The following SEMA6C variants were observed in gnomAD, a reference collection of about 807,000 sequenced individuals.
SEMA6C encodes semaphorin-6C.
Under a neutral mutation model 72.9 loss-of-function variants are expected in SEMA6C, and 37 were observed. The observed-to-expected ratio is 0.51, with a 90% CI of 0.39 to 0.67. The LOEUF is 0.67. Among genes scored for constraint, SEMA6C ranks in the 30% least tolerant of loss-of-function variants. SEMA6C has a pLI of 0.00. For missense variants in SEMA6C, 1,189 were observed against 1,263.6 expected, an observed-to-expected ratio of 0.94 and a Z score of 0.89; for synonymous variants, 578 against 554.1, an observed-to-expected ratio of 1.04 and a Z score of -0.61.
chr1:151,139,911 T>G (rs1001004104), intron 4 of SEMA6C, 65 bp downstream of exon 4: 12 of 1,480,354 alleles, frequency 8.1e-6, no homozygotes, highest in Non-Finnish European at 1.0e-5. Context: ...ACAGTGGCCA[T>G]ACAGGTCCCA....
chr1:151,139,713 G>GGTA lies in SEMA6C; in HGVS notation c.234-15_234-13dup, dbSNP rs1360705079. The GGTA allele has an allele frequency of 6.3e-7, 1 of 1,591,192 alleles. No individual in the cohort carries two copies. Among genetic ancestry groups the GGTA allele is most frequent in the Admixed American group, 1.7e-5 (1 of 58,380 alleles). On this transcript the variant is annotated splice_polypyrimidine_tract_variant and intron_variant, in intron 4 of 18. Coordinates refer to ENST00000368914, the MANE Select transcript of SEMA6C (RefSeq NM_030913.6). ...AGAAAACGTGATCCCTGAGGGGGTA[G>GGTA]GTAAGGAGGGGTCAGAGCCTAGTCA...
Position 151,132,463 on chromosome 1 carries a change from G to A in SEMA6C, c.*21C>T. The A allele has an allele frequency of 6.5e-7, 1 of 1,541,350 alleles. No homozygotes were observed. The highest frequency in any genetic ancestry group is 8.8e-7 in the Non-Finnish European group (1 of 1,141,670). ...AGAGGACTCGGGCGCTCCCCACGCTGGAGGCCGTGGGCCGCTCCCTTTAAA... is the reference window on the plus strand; with the variant it reads ...AGAGGACTCGGGCGCTCCCCACGCTAGAGGCCGTGGGCCGCTCCCTTTAAA... On this transcript the variant is annotated 3_prime_UTR_variant, in exon 19 of 19. Coordinates refer to ENST00000368914, the MANE Select transcript of SEMA6C (RefSeq NM_030913.6).
chr1:151,141,912 T>C (rs1448955293), intron 3 of SEMA6C, among the ~76,000 whole-genome samples: 1 of 151,804 alleles, frequency 6.6e-6, no homozygotes, highest in African/African-American at 2.4e-5. Flanking sequence ...AGAATACTAT[T>C]ATATTCATTT....
At chr1:151,135,002 C>T (rs1681900314) in intron 15 of SEMA6C, 127 bp from the exon 16 acceptor site, 1 of 1,332,200 alleles carries the variant, frequency 7.5e-7, no homozygotes, top group Admixed American at 1.8e-5. Context: ...ACCTCAGTCT[C>T]TCCACACCCT....
chr1:151,139,519 C>T (rs1330386378), intron 5 of SEMA6C, 38 bp from the exon 6 acceptor site: 5 of 1,606,112 alleles, frequency 3.1e-6, no homozygotes, highest in East Asian at 2.2e-5. Context: ...TCATGGGCAA[C>T]TGGGTTCCCT....
intron 7 of SEMA6C, 66 bp from the exon 8 acceptor site, chr1:151,138,472 C>A: frequency 6.6e-7 from 1 of 1,509,518 alleles, no homozygotes; most frequent in South Asian, 1.2e-5. Context: ...ATAGCCTATT[C>A]CCTCCTGTCC....
At chr1:151,142,076 C>T (rs1316543089) in intron 3 of SEMA6C, among the ~76,000 whole-genome samples, 2 of 145,330 alleles carry the variant, frequency 1.4e-5, no homozygotes, top group Non-Finnish European at 3.0e-5. Context: ...GAGTCTCGCT[C>T]TGTTGCCCAG....
chr1:151,135,146 C>T lies in SEMA6C; in HGVS notation c.1580+17G>A. On this transcript the variant is annotated intron_variant, in intron 15 of 18. Coordinates refer to ENST00000368914, the MANE Select transcript of SEMA6C (RefSeq NM_030913.6). ...GGGAGCTTGCCCACACAGGGCCTGG[C>T]CTCAGGCCCCTCTCACCTCTGACAG... 6.2e-7 allele frequency: 1 copy of T among 1,612,192 alleles called. No individual in the cohort carries two copies. Among genetic ancestry groups the T allele is most frequent in the Non-Finnish European group, 8.5e-7 (1 of 1,179,094 alleles).
rs930967125 is a variant in SEMA6C, at chr1:151,135,927, A to G, written c.1259+84T>C. 87 of 1,578,570 alleles carry G rather than the reference A, an allele frequency of 5.5e-5. 1 individual carries two copies. The highest frequency in any genetic ancestry group is 3.3e-4 in the Admixed American group (19 of 58,400). ...ACTTTCACAAGTTCTTCCTCCCACC[A>G]ATGCGGTTTACCTTGTTGGGTCAAA... is the stretch of plus-strand genomic sequence containing the variant. On this transcript the variant is annotated intron_variant, in intron 13 of 18. Coordinates refer to ENST00000368914, the MANE Select transcript of SEMA6C (RefSeq NM_030913.6).
Position 151,137,969 on chromosome 1 carries a change from C to T in SEMA6C, c.667+17G>A. ...TCCTCCCCAATAACAGTCTCCTTTC[C>T]CCAGGCCCGCCCTGACCTCGGAGCC... On this transcript the variant is annotated intron_variant, in intron 9 of 18. Transcript: ENST00000368914. 6.2e-7 allele frequency: 1 copy of T among 1,610,992 alleles called. No individual in the cohort carries two copies. The highest frequency in any genetic ancestry group is 1.7e-4 in the Middle Eastern group (1 of 6,042).
In SEMA6C at chr1:151,133,644, C is replaced by T; in HGVS notation, c.1760-127G>A. ...CTCCCGCTGCTACTCAGCCTCACTC[C>T]TACAGCCTCCACCATCCTCAGGATT... On this transcript the variant is annotated intron_variant, in intron 18 of 18. Coordinates refer to ENST00000368914, the MANE Select transcript of SEMA6C (RefSeq NM_030913.6). The surrounding 1 kb of genome is among the most constrained non-coding windows in gnomAD (Gnocchi z 5.9). The T allele has an allele frequency of 1.4e-6, 2 of 1,393,070 alleles. No homozygotes were observed. The highest frequency in any genetic ancestry group is 1.5e-5 in the African/African-American group (1 of 68,392). The allele number at this position is 1,393,070 out of a possible 1,614,324, so 86.3% of individuals were successfully genotyped here. A position where few individuals can be genotyped will look rare whatever the true frequency, so the allele number is the denominator to read the frequency against.
rs1397646460 is a variant in SEMA6C, at chr1:151,133,626, T to A, written c.1760-109A>T. Reference sequence around the variant, plus strand: ...GGCCTGACATCATCGTCCCTCCCGCTGCTACTCAGCCTCACTCCTACAGCC... The same window carrying A: ...GGCCTGACATCATCGTCCCTCCCGCAGCTACTCAGCCTCACTCCTACAGCC... On this transcript the variant is annotated intron_variant, in intron 18 of 18. Coordinates refer to ENST00000368914, the MANE Select transcript of SEMA6C (RefSeq NM_030913.6). This position sits in a 1 kb window ranked among gnomAD's most constrained non-coding sequence, Gnocchi z 5.9. 1 of 1,427,616 alleles carries A rather than the reference T, an allele frequency of 7.0e-7. No individual in the cohort carries two copies. Among genetic ancestry groups the A allele is most frequent in the Non-Finnish European group, 9.1e-7 (1 of 1,093,016 alleles). The allele number at this position is 1,427,616 out of a possible 1,614,324, so 88.4% of individuals were successfully genotyped here. A position where few individuals can be genotyped will look rare whatever the true frequency, so the allele number is the denominator to read the frequency against.
intron 15 of SEMA6C, 94 bp downstream of exon 15, chr1:151,135,067 CCT>C (rs1375538121): frequency 1.3e-6 from 2 of 1,537,236 alleles, no homozygotes; most frequent in Non-Finnish European, 1.8e-6. Context: ...ACAGCCATCC[CCT>C]GTGTTTTCCT....
At chr1:151,144,633 G>A (rs921279003) in intron 1 of SEMA6C, among the ~76,000 whole-genome samples, 199 bp from the exon 2 acceptor site, 1 of 152,174 alleles carries the variant, frequency 6.6e-6, no homozygotes, top group Non-Finnish European at 1.5e-5. Flanking sequence ...GCCCAGAGAT[G>A]CAGGGGAAGG....
chr1:151,136,576 G>A lies in SEMA6C; in HGVS notation c.978C>T (p.Ile326=). Residue 326 remains isoleucine (I), a synonymous_variant, in exon 12 of 19, where the codon ATC becomes ATT. Transcript: ENST00000368914. ...AGAAGGCGCAGACGGCAGAGCCAGGGATGCTGGAGGAGCCAGAAAAGATGC... is the reference window on the plus strand; with the variant it reads ...AGAAGGCGCAGACGGCAGAGCCAGGAATGCTGGAGGAGCCAGAAAAGATGC... ...FGVFTTQTNS[I]PGSAVCAFYL... 1 of 1,613,950 alleles carries A rather than the reference G, an allele frequency of 6.2e-7. No homozygotes were observed. Among genetic ancestry groups the A allele is most frequent in the Non-Finnish European group, 8.5e-7 (1 of 1,179,970 alleles).
chr1:151,132,780 CG>C lies in SEMA6C; in HGVS notation c.2496del (p.Ala833ProfsTer65). The C allele has an allele frequency of 7.2e-7, 1 of 1,384,786 alleles. No individual in the cohort carries two copies. Among genetic ancestry groups the C allele is most frequent in the South Asian group, 1.6e-5 (1 of 60,754 alleles). 85.8% of individuals were successfully genotyped at this position (1,384,786 alleles called of 1,614,324 possible). A position where few individuals can be genotyped will look rare whatever the true frequency, so the allele number is the denominator to read the frequency against. On this transcript the variant is annotated frameshift_variant, in exon 19 of 19. Transcript: ENST00000368914. LOFTEE classifies it low-confidence loss of function (END_TRUNC). ...GCGGGGGCGGAGAGCGCGGGCCGGGCGGGGGCAGAGGCGCACCTGCCCTCGG... is the reference window on the plus strand; with the variant it reads ...GCGGGGGCGGAGAGCGCGGGCCGGGCGGGGCAGAGGCGCACCTGCCCTCGG... ...VPPEGRCASAPARPALSAPAP... is the reference protein window; with the variant it reads ...VPPEGRCASAXARPALSAPAP...
intron 10 of SEMA6C, 67 bp from the exon 11 acceptor site, chr1:151,137,141 G>A (rs1682091741): frequency 7.6e-6 from 11 of 1,454,162 alleles, no homozygotes; most frequent in African/African-American, 5.6e-5. Context: ...TGCAAGGAGT[G>A]TGGTGAGTTA....
chr1:151,139,773 G>T (rs1558187116), intron 4 of SEMA6C, 72 bp from the exon 5 acceptor site: 20 of 1,453,290 alleles, frequency 1.4e-5, no homozygotes, highest in Non-Finnish European at 2.8e-6. Context: ...AGCTGTTCAG[G>T]GACAAACAGT....
intron 18 of SEMA6C, chr1:151,134,107 G>T: frequency 1.5e-6 from 2 of 1,318,604 alleles, no homozygotes; most frequent in Non-Finnish European, 2.0e-6. Flanking sequence ...CTCTACCCCT[G>T]ACACCCTTCC....
Sources: gnomAD v4.1 joint callset for allele counts (sites outside exome capture counted in the v4.1 genomes callset) on GRCh38, gnomAD v4.1.1 for gene constraint, Gnocchi (gnomAD v3.1) non-coding constraint, MANE v1.5 for transcripts, NCBI Gene and HGNC (gene_info 2026-07-23, HGNC 2026-07-21) for gene names.